Variants in UNC79 observed in about 807,000 individuals in gnomAD.
The protein encoded by UNC79 is protein unc-79 homolog.
In UNC79, 37 loss-of-function variants were observed where a neutral mutation model predicts 283.1. The ratio of observed to expected loss-of-function variants is 0.13; its 90% CI spans 0.10 to 0.17. The LOEUF is 0.17. Among genes scored for constraint, UNC79 ranks in the 10% least tolerant of loss-of-function variants. UNC79 has a pLI of 1.00. For missense variants in UNC79, 2,272 were observed against 3,211.1 expected (o/e 0.71, Z 7.07); for synonymous variants, 1,107 against 1,200.2 (o/e 0.92, Z 1.61).
intron 14 of UNC79, among the ~76,000 whole-genome samples, chr14:93,565,581 T>C (rs2062826790): frequency 6.6e-6 from 1 of 152,164 alleles, no homozygotes; most frequent in Admixed American, 6.5e-5. Flanking sequence ...GACCACCATA[T>C]ATGTTGTTTT....
chr14:93,380,666 C>A (rs1451170775), intron 1 of UNC79, among the ~76,000 whole-genome samples: 1 of 152,160 alleles, frequency 6.6e-6, no homozygotes, highest in Admixed American at 6.5e-5. Flanking sequence ...CTGTTTTGTT[C>A]ATCACTGTAC....
At chr14:93,664,523 G>C (rs964952984) in intron 40 of UNC79, among the ~76,000 whole-genome samples, 1 of 152,160 alleles carries the variant, frequency 6.6e-6, no homozygotes. Context: ...CAGGCAGGGA[G>C]TTTGATCTGA....
intron 30 of UNC79, among the ~76,000 whole-genome samples, chr14:93,623,644 C>T (rs1199548038): frequency 6.6e-6 from 1 of 152,206 alleles, no homozygotes; most frequent in African/African-American, 2.4e-5. Flanking sequence ...CCTGTAATCC[C>T]AGCATTTTGG....
At chr14:93,544,317 A>T (rs2061502653) in intron 14 of UNC79, among the ~76,000 whole-genome samples, 1 of 152,220 alleles carries the variant, frequency 6.6e-6, no homozygotes, top group Admixed American at 6.5e-5. Context: ...CAAAAGGTTT[A>T]CTTAAGGGCT....
At chr14:93,609,004 G>A (rs2066095942) in intron 26 of UNC79, among the ~76,000 whole-genome samples, 1 of 152,172 alleles carries the variant, frequency 6.6e-6, no homozygotes, top group Non-Finnish European at 1.5e-5. Context: ...AAAATGTTCT[G>A]CCTTGCATAA....
chr14:93,691,720 T>G, intron 45 of UNC79, 29 bp from the exon 49 acceptor site: 1 of 1,612,004 alleles, frequency 6.2e-7, no homozygotes, highest in South Asian at 1.1e-5. Flanking sequence ...TGGGATGCAA[T>G]GCACTGATGC....
chr14:93,423,413 T>C (rs2055652748), intron 1 of UNC79, among the ~76,000 whole-genome samples: 1 of 152,176 alleles, frequency 6.6e-6, no homozygotes, highest in African/African-American at 2.4e-5. Context: ...AAAGCTATCT[T>C]AAGCAAAAGG....
At chr14:93,483,696 C>T (rs1208499441) in intron 4 of UNC79, among the ~76,000 whole-genome samples, 9 of 148,248 alleles carry the variant, frequency 6.1e-5, no homozygotes, top group African/African-American at 1.3e-4. Context: ...CCCAACCCCA[C>T]GACACATGAG....
intron 39 of UNC79, among the ~76,000 whole-genome samples, chr14:93,660,841 C>G (rs1050744825): frequency 4.6e-5 from 7 of 151,942 alleles, no homozygotes; most frequent in African/African-American, 1.7e-4. Flanking sequence ...CCACCAGCCT[C>G]AGCCTCCCAA....
intron 41 of UNC79, among the ~76,000 whole-genome samples, chr14:93,678,323 C>T (rs2073528024): frequency 6.6e-6 from 1 of 152,230 alleles, no homozygotes; most frequent in Non-Finnish European, 1.5e-5. Flanking sequence ...GGTGATCCAT[C>T]ACGAATGACA....
chr14:93,610,209 A>T (rs1242076628), intron 26 of UNC79, among the ~76,000 whole-genome samples: 1 of 152,216 alleles, frequency 6.6e-6, no homozygotes, highest in East Asian at 1.9e-4. Context: ...GGAAATGGGC[A>T]GGGTCCTAGC....
chr14:93,583,512 A>T lies in UNC79; in HGVS notation c.2803+1168A>T, dbSNP rs1448736681. On this transcript the variant is annotated intron_variant, in intron 20 of 48. Coordinates refer to ENST00000555664, the Ensembl canonical transcript of UNC79. Reference sequence around the variant, plus strand: ...TAACCCTACTAAATCTTCGGTCAGAACTAACTGCTTCTCCATGGATCATAT... The same window carrying T: ...TAACCCTACTAAATCTTCGGTCAGATCTAACTGCTTCTCCATGGATCATAT... Among the ~76,000 whole-genome samples the T allele has an allele frequency of 2.6e-5, 4 of 152,148 alleles. No homozygotes were observed. The East Asian group carries it at 7.7e-4, about 29-fold the overall frequency.
chr14:93,536,679 T>C (rs1567069288), intron 11 of UNC79, among the ~76,000 whole-genome samples: 1 of 151,990 alleles, frequency 6.6e-6, no homozygotes. Context: ...ATGAGGCTCC[T>C]GGGAATGATG....
chr14:93,333,281 A>G, exon 1 of UNC79: 1 of 341,730 alleles, frequency 2.9e-6, no homozygotes, highest in Non-Finnish European at 5.1e-6. Context: ...TTGTGGCAGC[A>G]TCCTGCTTAG....
intron 1 of UNC79, among the ~76,000 whole-genome samples, chr14:93,355,559 C>T (rs980835583): frequency 6.6e-5 from 10 of 152,116 alleles, no homozygotes; most frequent in African/African-American, 2.4e-4. Context: ...TCTCGACCTC[C>T]TGACCTCCAG....
chr14:93,614,798 C>T (rs1196793116), intron 27 of UNC79, among the ~76,000 whole-genome samples: 3 of 152,190 alleles, frequency 2.0e-5, no homozygotes, highest in African/African-American at 7.2e-5. Flanking sequence ...AGACACCATA[C>T]TTTACTCATC....
chr14:93,480,035 T>C (rs558898917), intron 4 of UNC79, among the ~76,000 whole-genome samples: 10 of 152,354 alleles, frequency 6.6e-5, no homozygotes, highest in Admixed American at 4.6e-4. Context: ...TGAAGTTACA[T>C]TTAAGATTGA....
chr14:93,655,592 G>T (rs1245624965), intron 38 of UNC79, among the ~76,000 whole-genome samples, 185 bp downstream of exon 41: 1 of 151,176 alleles, frequency 6.6e-6, no homozygotes, highest in East Asian at 1.9e-4. Context: ...ACAGGAATGT[G>T]GAGTGAGCAT....
intron 14 of UNC79, among the ~76,000 whole-genome samples, chr14:93,563,494 A>G (rs564350858): frequency 5.3e-5 from 8 of 152,210 alleles, no homozygotes; most frequent in Non-Finnish European, 1.2e-4. Context: ...ATAAATATTG[A>G]TGCGTAGTCC....
Sources: allele counts gnomAD v4.1 joint callset (sites outside exome capture counted in the v4.1 genomes callset), GRCh38; gene constraint gnomAD v4.1.1; transcripts MANE v1.5; gene names NCBI Gene and HGNC (gene_info 2026-07-23, HGNC 2026-07-21).